The following SUMF1 variants were observed in gnomAD, a reference collection of about 807,000 sequenced individuals.
The protein encoded by SUMF1 is formylglycine-generating enzyme.
In SUMF1, 48 loss-of-function variants were observed where a neutral mutation model predicts 47.6. The observed-to-expected ratio is 1.01, with a 90% CI of 0.80 to 1.28. The LOEUF (loss-of-function observed/expected upper bound fraction) is 1.28. Ranked by LOEUF, SUMF1 falls within the 50% of genes most tolerant of loss-of-function variation. The probability of loss-of-function intolerance (pLI) is 0.00; values close to 1 mark genes in which losing one functional copy is unlikely to be tolerated. For missense variants in SUMF1, 571 were observed against 485.4 expected (o/e 1.18, Z -1.66); for synonymous variants, 230 against 192.1 (o/e 1.20, Z -1.63).
intron 7 of SUMF1, among the ~76,000 whole-genome samples, chr3:4,395,900 A>T (rs1575171494): frequency 6.6e-6 from 1 of 152,354 alleles, no homozygotes; most frequent in South Asian, 2.1e-4. Flanking sequence ...ATAGCAGCTA[A>T]TATTTACCAA....
At chr3:4,466,698 A>T (rs1013187914) in intron 1 of SUMF1, among the ~76,000 whole-genome samples, 2 of 152,296 alleles carry the variant, frequency 1.3e-5, no homozygotes, top group Non-Finnish European at 2.9e-5. Context: ...TTGCCTTAAA[A>T]TTATGAGATC....
intron 8 of SUMF1, among the ~76,000 whole-genome samples, chr3:4,084,191 C>A (rs1411668276): frequency 6.6e-6 from 1 of 152,086 alleles, no homozygotes; most frequent in Non-Finnish European, 1.5e-5. Flanking sequence ...GGCAAATTCA[C>A]AACTCCCTGC....
intron 8 of SUMF1, among the ~76,000 whole-genome samples, chr3:4,274,020 T>G (rs56288816): frequency 0.029 from 4,424 of 152,078 alleles, 213 homozygotes; most frequent in African/African-American, 0.1. Flanking sequence ...AAATTCACTT[T>G]GGGGAAAACT....
chr3:4,179,082 G>A (rs138906400), intron 8 of SUMF1, among the ~76,000 whole-genome samples: 29 of 152,268 alleles, frequency 1.9e-4, no homozygotes, highest in African/African-American at 6.3e-4. Context: ...CTCATGGATA[G>A]GAAGAATCAA....
At chr3:4,458,598 G>C (rs1400861235) in intron 1 of SUMF1, among the ~76,000 whole-genome samples, 1 of 152,204 alleles carries the variant, frequency 6.6e-6, no homozygotes, top group African/African-American at 2.4e-5. Flanking sequence ...GCTCACGCCT[G>C]TAATCCCAGC....
Position 4,467,008 on chromosome 3 carries a change from C to A in SUMF1, c.238G>T (p.Val80Leu). ...YSREANAPGPVPGERQLAHSK... is the reference protein window; with the variant it reads ...YSREANAPGPLPGERQLAHSK... ...TGCGCGAGTTGCCGCTCTCCGGGTA[C>A]GGGGCCCGGAGCGTTAGCCTCCCGC... is the stretch of plus-strand genomic sequence containing the variant. Residue 80 changes from valine to leucine, a missense_variant, in exon 1 of 9, where the codon GTA (valine) becomes TTA (leucine). Transcript: ENST00000272902. 2 of 1,596,120 alleles carry A rather than the reference C, an allele frequency of 1.3e-6. No individual in the cohort carries two copies. The highest frequency in any genetic ancestry group is 1.3e-5 in the African/African-American group (1 of 74,732).
At chr3:4,335,963 A>AAAAAACAAAAAAAAC (rs1184804181) in intron 8 of SUMF1, among the ~76,000 whole-genome samples, 2 of 146,222 alleles carry the variant, frequency 1.4e-5, no homozygotes, top group African/African-American at 5.1e-5. Flanking sequence ...TCCAACTCAA[A>AAAAAACAAAAAAAAC]AAAAAAAAAA....
At chr3:4,339,595 A>G (rs1049038411) in intron 8 of SUMF1, among the ~76,000 whole-genome samples, 2 of 152,130 alleles carry the variant, frequency 1.3e-5, no homozygotes, top group African/African-American at 2.4e-5. Flanking sequence ...AGATTTCTGC[A>G]TCAACCAGTC....
At chr3:4,088,223 T>C (rs1489356280) in intron 8 of SUMF1, among the ~76,000 whole-genome samples, 3 of 152,106 alleles carry the variant, frequency 2.0e-5, no homozygotes, top group African/African-American at 4.8e-5. Context: ...TTCTTCCATC[T>C]ATTCCTTCCA....
chr3:4,322,715 G>A (rs1350033375), intron 8 of SUMF1, among the ~76,000 whole-genome samples: 1 of 151,982 alleles, frequency 6.6e-6, no homozygotes, highest in Non-Finnish European at 1.5e-5. Flanking sequence ...ACAAGGATGT[G>A]GAGAAAGTGG....
At chr3:4,214,776 A>T (rs968505388) in intron 8 of SUMF1, among the ~76,000 whole-genome samples, 2 of 94,166 alleles carry the variant, frequency 2.1e-5, no homozygotes, top group African/African-American at 4.5e-5. Flanking sequence ...ACCTCTGCGA[A>T]AATAAGCTAA....
chr3:4,179,189 A>T (rs967442694), intron 8 of SUMF1, among the ~76,000 whole-genome samples: 3 of 152,206 alleles, frequency 2.0e-5, no homozygotes, highest in Non-Finnish European at 4.4e-5. Flanking sequence ...AAACTACTTT[A>T]AAGTTCATAT....
At position 4,467,063 on chromosome 3, in the gene SUMF1, A is replaced by T; in HGVS notation, c.183T>A (p.His61Gln). 6.4e-7 allele frequency: 1 copy of T among 1,567,192 alleles called. No homozygotes were observed. Among genetic ancestry groups the T allele is most frequent in the Non-Finnish European group, 8.6e-7 (1 of 1,157,380 alleles). ...GCGTPQRPGA[H>Q]GSSAAAHRYS... is the part of the protein sequence containing the mutation. ...ATCGGTGAGCGGCTGCCGAACTGCC[A>T]TGGGCGCCAGGCCGCTGGGGCGTGC... The change falls in exon 1 of 9, where the codon CAT becomes CAA. Residue 61 changes from histidine (H) to glutamine (Q), a missense_variant. Transcript: ENST00000272902.
intron 9 of SUMF1, among the ~76,000 whole-genome samples, chr3:4,057,981 C>A (rs1695219308): frequency 6.6e-6 from 1 of 152,062 alleles, no homozygotes; most frequent in Non-Finnish European, 1.5e-5. Flanking sequence ...GGATTAGAGT[C>A]TAGATCTACC....
chr3:4,291,064 G>C (rs144858697), intron 8 of SUMF1, among the ~76,000 whole-genome samples: 1 of 152,144 alleles, frequency 6.6e-6, no homozygotes, highest in African/African-American at 2.4e-5. Context: ...AAGGATAAAA[G>C]AACCCACATA....
At chr3:4,211,119 TATAC>T (rs1383235884) in intron 8 of SUMF1, among the ~76,000 whole-genome samples, 3 of 133,780 alleles carry the variant, frequency 2.2e-5, no homozygotes, top group Non-Finnish European at 3.1e-5. Flanking sequence ...TATATATATA[TATAC>T]ACACACACAC....
Position 4,319,186 on chromosome 3 carries a change from A to C in SUMF1, c.1014+57144T>G, listed in dbSNP as rs76062188. On this transcript the variant is annotated intron_variant and NMD_transcript_variant, in intron 8 of 12. Transcript: ENST00000448413. ...TGTGACATGGTACAGCCTCTTTAGA[A>C]GACAGTTTGGTGGGCTCTTAAAAGA... Among the ~76,000 whole-genome samples, 1,109 of 152,306 alleles carry C rather than the reference A, an allele frequency of 7.3e-3. 15 individuals are homozygous for C. Among genetic ancestry groups the C allele is most frequent in the African/African-American group, 0.025 (1,046 of 41,584 alleles).
At chr3:4,212,310 C>A (rs1199655992) in intron 8 of SUMF1, among the ~76,000 whole-genome samples, 4 of 152,108 alleles carry the variant, frequency 2.6e-5, no homozygotes, top group African/African-American at 9.7e-5. Flanking sequence ...GGACCTCCAG[C>A]AAACTCCAGC....
chr3:4,117,460 G>A (rs886806678), intron 8 of SUMF1, among the ~76,000 whole-genome samples: 9 of 152,074 alleles, frequency 5.9e-5, no homozygotes, highest in Admixed American at 5.9e-4. Flanking sequence ...CTTAAGGGCA[G>A]CTTCTTCCTT....
Sources: gnomAD v4.1 joint callset for allele counts (sites outside exome capture counted in the v4.1 genomes callset) on GRCh38, gnomAD v4.1.1 for gene constraint, MANE v1.5 for transcripts, NCBI Gene and HGNC (gene_info 2026-07-23, HGNC 2026-07-21) for gene names.